Variants in BTAF1 observed in about 807,000 individuals in gnomAD.
The protein encoded by BTAF1 is B-TFIID TATA-box binding protein associated factor 1.
BTAF1 carries 38 observed loss-of-function variants against 227.1 expected under a neutral mutation model. The ratio of observed to expected loss-of-function variants is 0.17; its 90% CI spans 0.13 to 0.22. The LOEUF (loss-of-function observed/expected upper bound fraction) is 0.22, where lower values mean the gene tolerates loss of function less well. Ranked by LOEUF, BTAF1 falls within the 10% of genes least tolerant of loss-of-function variation. The pLI is 1.00. For missense variants in BTAF1, 1,598 were observed against 2,204.0 expected (o/e 0.73, Z 5.51); for synonymous variants, 742 against 751.9 (o/e 0.99, Z 0.21).
At chr10:91,951,604 A>G in intron 5 of BTAF1, 38 bp downstream of exon 5, 1 of 1,541,242 alleles carries the variant, frequency 6.5e-7, no homozygotes, top group Non-Finnish European at 8.7e-7. Context: ...GCAAGTAATA[A>G]TACAAAGGGT....
intron 30 of BTAF1, 148 bp from the exon 31 acceptor site, chr10:92,013,519 C>T (rs1475580918): frequency 9.5e-7 from 1 of 1,047,732 alleles, no homozygotes; most frequent in Admixed American, 2.5e-5. Context: ...ATTTTACACA[C>T]TAAAATAAAG....
intron 1 of BTAF1, among the ~76,000 whole-genome samples, chr10:91,930,804 C>G (rs888342931): frequency 3.3e-5 from 5 of 152,114 alleles, no homozygotes; most frequent in Admixed American, 2.0e-4. Flanking sequence ...TAAAATTTTA[C>G]TGTACTTTTG....
At chr10:91,932,977 C>T (rs1844374464) in intron 1 of BTAF1, among the ~76,000 whole-genome samples, 1 of 152,164 alleles carries the variant, frequency 6.6e-6, no homozygotes, top group Non-Finnish European at 1.5e-5. Context: ...ACACATGGGG[C>T]CATTATATCT....
chr10:92,028,508 C>T (rs557655712), intron 37 of BTAF1, among the ~76,000 whole-genome samples: 15 of 152,094 alleles, frequency 9.9e-5, no homozygotes, highest in Non-Finnish European at 2.1e-4. Flanking sequence ...AACTATATTT[C>T]TGACATCCAT....
intron 34 of BTAF1, among the ~76,000 whole-genome samples, chr10:92,020,750 C>A (rs979785172): frequency 1.3e-5 from 2 of 152,174 alleles, no homozygotes; most frequent in African/African-American, 4.8e-5. Flanking sequence ...GTTTTCCTAA[C>A]ATAGCTAGTA....
intron 20 of BTAF1, among the ~76,000 whole-genome samples, chr10:91,991,032 GT>G (rs1029333590): frequency 2.0e-5 from 3 of 150,902 alleles, no homozygotes; most frequent in Non-Finnish European, 4.4e-5. Context: ...GGATCACGAG[GT>G]CAGAAGTTCG....
chr10:92,024,988 T>C, intron 35 of BTAF1, 21 bp downstream of exon 35: 1 of 1,587,250 alleles, frequency 6.3e-7, no homozygotes, highest in Non-Finnish European at 8.6e-7. Context: ...TCTAAGACTC[T>C]TATTCATAAA....
At chr10:92,000,268 G>C (rs1409224452) in intron 25 of BTAF1, among the ~76,000 whole-genome samples, 1 of 152,104 alleles carries the variant, frequency 6.6e-6, no homozygotes, top group Non-Finnish European at 1.5e-5. Context: ...AAACCAAATG[G>C]GTTGTACTTA....
intron 1 of BTAF1, among the ~76,000 whole-genome samples, chr10:91,934,614 C>G (rs921319547): frequency 6.6e-6 from 1 of 152,148 alleles, no homozygotes; most frequent in Non-Finnish European, 1.5e-5. Context: ...CCATTAGTTT[C>G]TTGACCCAAG....
intron 5 of BTAF1, 24 bp downstream of exon 5, chr10:91,951,590 G>C (rs751855387): frequency 6.4e-7 from 1 of 1,561,260 alleles, no homozygotes; most frequent in Admixed American, 2.1e-5. Flanking sequence ...TTGGTTATTT[G>C]ATTGCAAGTA....
chr10:91,992,379 A>G (rs1212159895), intron 21 of BTAF1, 70 bp downstream of exon 21: 2 of 1,371,578 alleles, frequency 1.5e-6, no homozygotes, highest in African/African-American at 1.5e-5. Flanking sequence ...ATTGAGAACT[A>G]AGTTGTATTA....
intron 13 of BTAF1, 75 bp from the exon 14 acceptor site, chr10:91,966,562 T>G: frequency 7.4e-6 from 11 of 1,495,940 alleles, no homozygotes; most frequent in South Asian, 1.2e-5. Flanking sequence ...CTAGATCCCA[T>G]GAGAATATTT....
rs1417138614 is a variant in BTAF1, at chr10:91,989,419, C to T, written c.2693C>T (p.Ala898Val). The T allele has an allele frequency of 1.9e-6, 3 of 1,614,026 alleles. No individual in the cohort carries two copies. Among genetic ancestry groups the T allele is most frequent in the Non-Finnish European group, 2.5e-6 (3 of 1,180,034 alleles). Reference sequence around the variant, plus strand: ...AATACACTAGTGCAAAACTATGCAGCTCAGTGCATAGCTAAACTCCTTCAG... The same window carrying T: ...AATACACTAGTGCAAAACTATGCAGTTCAGTGCATAGCTAAACTCCTTCAG... The part of the protein sequence containing the change: ...EENTLVQNYA[A>V]QCIAKLLQQC... The change falls in exon 20 of 38, where the codon GCT becomes GTT. Residue 898 changes from alanine (A) to valine (V), a missense_variant. This residue lies in a region of BTAF1 where 425 missense variants were observed against 491.2 expected (regional missense o/e 0.87). Transcript: ENST00000265990.
intron 14 of BTAF1, 35 bp from the exon 15 acceptor site, chr10:91,980,419 T>C (rs374768882): frequency 8.2e-5 from 120 of 1,456,196 alleles, no homozygotes; most frequent in Non-Finnish European, 1.0e-4. Context: ...CCAAGAATTA[T>C]ATGCTACAGC....
chr10:91,970,085 A>T (rs1214371718), intron 14 of BTAF1, among the ~76,000 whole-genome samples: 2 of 146,792 alleles, frequency 1.4e-5, no homozygotes, highest in Non-Finnish European at 3.0e-5. Flanking sequence ...TTGTCCAGGG[A>T]TTTTTTTTTT....
rs372632710 is a variant in BTAF1 at position 91,978,222 on chromosome 10, C to T, written c.1651-2232C>T. Among the ~76,000 whole-genome samples the T allele has an allele frequency of 1.7e-4, 26 of 152,026 alleles. 1 individual carries two copies. The highest frequency in any genetic ancestry group is 5.6e-4 in the African/African-American group (23 of 41,362). On this transcript the variant is annotated intron_variant, in intron 14 of 37. Transcript: ENST00000265990. ...TATAAAGTAGAATTTAGTAGAGTAA[C>T]GATGTTTGTAGCCTGAGAAGACAAC... is the stretch of plus-strand genomic sequence containing the variant.
chr10:91,980,359 A>G (rs1336050579), intron 14 of BTAF1, 95 bp from the exon 15 acceptor site: 8 of 908,014 alleles, frequency 8.8e-6, no homozygotes, highest in Admixed American at 2.1e-5. Context: ...CAGTCTTTTC[A>G]TGGTAGTACT....
At chr10:92,016,299 T>G in intron 32 of BTAF1, 41 bp from the exon 33 acceptor site, 1 of 1,561,932 alleles carries the variant, frequency 6.4e-7, no homozygotes, top group Non-Finnish European at 8.6e-7. Flanking sequence ...CAATTGAAAA[T>G]AAATATACTT....
intron 1 of BTAF1, among the ~76,000 whole-genome samples, chr10:91,924,825 A>G (rs1481944062): frequency 1.3e-5 from 2 of 152,212 alleles, no homozygotes; most frequent in African/African-American, 4.8e-5. Flanking sequence ...GAATGGTTGG[A>G]AAGCTTTTGT....
Sources: gnomAD v4.1 joint callset for allele counts (sites outside exome capture counted in the v4.1 genomes callset) on GRCh38, gnomAD v4.1.1 for gene constraint, gnomAD v4.1.1 regional missense constraint, MANE v1.5 for transcripts, NCBI Gene and HGNC (gene_info 2026-07-23, HGNC 2026-07-21) for gene names.